The following DGKB variants were observed in gnomAD, a reference collection of about 807,000 sequenced individuals.
The protein encoded by DGKB is diacylglycerol kinase beta.
DGKB carries 67 observed loss-of-function variants against 114.3 expected under a neutral mutation model. The ratio of observed to expected loss-of-function variants is 0.59; its 90% CI spans 0.48 to 0.72. DGKB has a LOEUF of 0.72. Ranked by LOEUF, DGKB falls within the 30% of genes least tolerant of loss-of-function variation. The pLI is 0.00. For missense variants in DGKB, 907 were observed against 975.2 expected (o/e 0.93, Z 0.93); for synonymous variants, 398 against 323.1 (o/e 1.23, Z -2.49).
intron 13 of DGKB, among the ~76,000 whole-genome samples, chr7:14,653,561 C>T (rs1320572363): frequency 9.9e-5 from 15 of 151,620 alleles, no homozygotes; most frequent in East Asian, 1.9e-4. Flanking sequence ...TGCTAGATGA[C>T]GAGTTAGTGG....
chr7:14,389,546 T>G (rs1820985778), intron 21 of DGKB, among the ~76,000 whole-genome samples: 2 of 152,214 alleles, frequency 1.3e-5, no homozygotes, highest in African/African-American at 4.8e-5. Context: ...CAATAAGTAT[T>G]TCCACTTAAC....
intron 17 of DGKB, among the ~76,000 whole-genome samples, chr7:14,599,102 T>C (rs1451309751): frequency 2.6e-5 from 4 of 152,238 alleles, no homozygotes; most frequent in Non-Finnish European, 2.9e-5. Context: ...TGGACGTGTG[T>C]CTTACACATT....
chr7:14,758,193 A>G (rs1835167530), intron 2 of DGKB, among the ~76,000 whole-genome samples: 1 of 152,080 alleles, frequency 6.6e-6, no homozygotes, highest in Non-Finnish European at 1.5e-5. Flanking sequence ...TGTATAAATT[A>G]AAGCTTACCC....
At chr7:14,351,829 C>T (rs1198948842) in intron 21 of DGKB, among the ~76,000 whole-genome samples, 3 of 152,160 alleles carry the variant, frequency 2.0e-5, no homozygotes, top group Non-Finnish European at 4.4e-5. Context: ...AAATTCTACA[C>T]ATGTTATAGA....
intron 23 of DGKB, among the ~76,000 whole-genome samples, chr7:14,179,947 G>C (rs760963979): frequency 7.9e-5 from 12 of 152,138 alleles, no homozygotes; most frequent in Non-Finnish European, 1.8e-4. Context: ...AGAACAGATG[G>C]ACAAGGAATG....
At chr7:14,302,273 G>C (rs1330856878) in intron 23 of DGKB, among the ~76,000 whole-genome samples, 2 of 152,010 alleles carry the variant, frequency 1.3e-5, no homozygotes, top group African/African-American at 4.8e-5. Flanking sequence ...AGAGGAGAGA[G>C]AACATAAGAA....
intron 20 of DGKB, among the ~76,000 whole-genome samples, chr7:14,531,136 G>A (rs949907188): frequency 6.6e-6 from 1 of 151,414 alleles, no homozygotes; most frequent in Non-Finnish European, 1.5e-5. Flanking sequence ...CAAAGGGAAT[G>A]CTGACTTTTA....
At chr7:14,707,089 AAG>A (rs1437453121) in intron 6 of DGKB, among the ~76,000 whole-genome samples, 2 of 146,310 alleles carry the variant, frequency 1.4e-5, no homozygotes, top group Admixed American at 6.9e-5. Flanking sequence ...TAAAGAAAAA[AAG>A]AGAGAAGAAT....
At chr7:14,825,596 C>T (rs1845594695) in intron 2 of DGKB, among the ~76,000 whole-genome samples, 1 of 152,204 alleles carries the variant, frequency 6.6e-6, no homozygotes, top group Admixed American at 6.5e-5. Context: ...GTAATGCAAG[C>T]GATGGCGAGT....
chr7:14,793,163 A>C lies in DGKB; in HGVS notation c.71-35432T>G, dbSNP rs770736641. Among the ~76,000 whole-genome samples, 13 of 152,176 alleles carry C rather than the reference A, an allele frequency of 8.5e-5. 1 individual carries two copies. The highest frequency in any genetic ancestry group is 1.2e-4 in the Non-Finnish European group (8 of 68,036). ...CTTAGAATGCTTAATGGGTTTAATA[A>C]CAATTCTACATAAATATTATAATGA... On this transcript the variant is annotated intron_variant, in intron 2 of 25. Coordinates refer to ENST00000402815, the MANE Select transcript of DGKB (RefSeq NM_001350709.2).
rs1302740186 is a variant in DGKB at position 14,913,359 on chromosome 7, C to T, written c.-188+61337G>A. On this transcript the variant is annotated intron_variant, in intron 1 of 4. Transcript: ENST00000437998. ...ACCATTATGGCACTTTTTACATTTTCTAGAAAATTTCTATGAATGCTCCTG... is the reference window on the plus strand; with the variant it reads ...ACCATTATGGCACTTTTTACATTTTTTAGAAAATTTCTATGAATGCTCCTG... Among the ~76,000 whole-genome samples, 4 of 151,306 alleles carry T rather than the reference C, an allele frequency of 2.6e-5. No homozygotes were observed. The East Asian group carries it at 7.7e-4, about 29-fold the overall frequency.
intron 23 of DGKB, among the ~76,000 whole-genome samples, chr7:14,194,365 A>G (rs902286951): frequency 2.6e-5 from 4 of 152,222 alleles, no homozygotes; most frequent in Admixed American, 6.5e-5. Context: ...TTATTCAGCC[A>G]TAAAAAGAAT....
At chr7:14,299,959 A>C (rs1376107710) in intron 23 of DGKB, among the ~76,000 whole-genome samples, 1 of 152,152 alleles carries the variant, frequency 6.6e-6, no homozygotes, top group Non-Finnish European at 1.5e-5. Context: ...GCACCATATA[A>C]AAATATTTTA....
At chr7:14,852,487 C>CAAAAAAACAACAACAACAAAA (rs1554304213) in intron 1 of DGKB, among the ~76,000 whole-genome samples, 1 of 63,636 alleles carries the variant, frequency 1.6e-5, no homozygotes, top group Non-Finnish European at 3.0e-5. Flanking sequence ...TAGTGAAAGT[C>CAAAAAAACAACAACAACAAAA]AAAAAAAAAA....
intron 1 of DGKB, among the ~76,000 whole-genome samples, chr7:14,961,811 C>CT (rs1786860602): frequency 6.6e-6 from 1 of 152,026 alleles, no homozygotes; most frequent in South Asian, 2.1e-4. Context: ...ACCCACAGCC[C>CT]TTTTTTTAAT....
At chr7:14,658,293 T>G (rs1411226724) in intron 13 of DGKB, among the ~76,000 whole-genome samples, 1 of 151,916 alleles carries the variant, frequency 6.6e-6, no homozygotes, top group Middle Eastern at 3.2e-3. Flanking sequence ...GAGGTCAATA[T>G]GATAGGTGAA....
At chr7:14,805,028 T>A (rs1002007739) in intron 2 of DGKB, among the ~76,000 whole-genome samples, 1 of 152,160 alleles carries the variant, frequency 6.6e-6, no homozygotes. Flanking sequence ...TATTAGTTAT[T>A]GTGCTTTGAT....
chr7:14,602,411 T>C (rs1803715889), intron 17 of DGKB, among the ~76,000 whole-genome samples: 1 of 152,174 alleles, frequency 6.6e-6, no homozygotes. Context: ...AATGCTATGG[T>C]TTGAACTTTC....
In DGKB at chr7:14,384,049, A is replaced by G. The variant is rs1406095679; in HGVS notation, c.1836-38658T>C. ...AAACATGAGGTATGTACCGCCTAGCATTCAGTAACAACCCACTTAGTCATT... is the reference window on the plus strand; with the variant it reads ...AAACATGAGGTATGTACCGCCTAGCGTTCAGTAACAACCCACTTAGTCATT... On this transcript the variant is annotated intron_variant, in intron 21 of 25. Coordinates refer to ENST00000402815, the MANE Select transcript of DGKB (RefSeq NM_001350709.2). 2.0e-5 allele frequency among the ~76,000 whole-genome samples: 3 copies of G among 152,340 alleles called. No homozygotes were observed. The East Asian group carries it at 5.8e-4, about 29-fold the overall frequency.
Sources: gnomAD v4.1 joint callset for allele counts (sites outside exome capture counted in the v4.1 genomes callset) on GRCh38, gnomAD v4.1.1 for gene constraint, MANE v1.5 for transcripts, NCBI Gene and HGNC (gene_info 2026-07-23, HGNC 2026-07-21) for gene names.